The following SEM1 variants were observed in gnomAD, a reference collection of about 807,000 sequenced individuals.
SEM1 encodes SEM1 26S proteasome subunit.
A neutral mutation model predicts 12.7 loss-of-function variants in SEM1; 3 were observed. The ratio of observed to expected loss-of-function variants is 0.24; its 90% CI spans 0.11 to 0.61. The LOEUF is 0.61. Ranked by LOEUF, SEM1 falls within the 20% of genes least tolerant of loss-of-function variation. The pLI is 0.88. For synonymous variants in SEM1, 30 were observed against 27.8 expected (o/e 1.08, Z -0.25); for missense variants, 59 against 81.3 (o/e 0.73, Z 1.06).
chr7:96,631,173 C>G (rs1446893672), intron 2 of SEM1, among the ~76,000 whole-genome samples: 1 of 152,158 alleles, frequency 6.6e-6, no homozygotes, highest in East Asian at 1.9e-4. Flanking sequence ...CCCCGCTTAG[C>G]CCACTATCAC....
At chr7:96,695,954 A>G (rs1790081074) in intron 1 of SEM1, 2 of 152,010 alleles carry the variant, frequency 1.3e-5, no homozygotes, top group South Asian at 4.1e-4. Context: ...TTATCTTTTA[A>G]AGCAACTATC....
chr7:96,702,769 A>G (rs1259556504), intron 1 of SEM1, among the ~76,000 whole-genome samples: 3 of 152,246 alleles, frequency 2.0e-5, no homozygotes, highest in Non-Finnish European at 4.4e-5. Context: ...TAGTGATTGA[A>G]GTGAACATCC....
intron 2 of SEM1, among the ~76,000 whole-genome samples, chr7:96,626,279 GT>G (rs894950516): frequency 1.3e-5 from 2 of 152,084 alleles, no homozygotes; most frequent in Admixed American, 6.5e-5. Context: ...TGAAAAGTTT[GT>G]TTTTTTGTGC....
At chr7:96,555,047 C>T (rs1247570211) in intron 2 of SEM1, among the ~76,000 whole-genome samples, 21 of 148,972 alleles carry the variant, frequency 1.4e-4, no homozygotes, top group African/African-American at 4.0e-4. Flanking sequence ...GGTGATATCC[C>T]CTTTATCATT....
rs189370205 is a variant in SEM1 at position 96,632,562 on chromosome 7, G to A, written c.171-9919C>T. 9.7e-4 allele frequency among the ~76,000 whole-genome samples: 148 copies of A among 152,104 alleles called. No individual in the cohort carries two copies. In the Middle Eastern group the frequency reaches 0.02, roughly 21 times the overall value. On this transcript the variant is annotated intron_variant, in intron 2 of 2. Coordinates refer to the SEM1 transcript ENST00000417009. ...ACACTGGGGCCTGTCAGGGGGTGGCGGACTAGGGGAGGGATAGCATTAGGA... is the reference window on the plus strand; with the variant it reads ...ACACTGGGGCCTGTCAGGGGGTGGCAGACTAGGGGAGGGATAGCATTAGGA...
chr7:96,694,754 ATAAT>A (rs1187843675), intron 2 of SEM1, 40 bp downstream of exon 2: 4 of 1,222,908 alleles, frequency 3.3e-6, no homozygotes, highest in Admixed American at 1.7e-5. Flanking sequence ...TTCCATGCTT[ATAAT>A]TAATACTGAA....
chr7:96,540,728 A>T (rs6943323), intron 2 of SEM1, among the ~76,000 whole-genome samples: 34,268 of 151,526 alleles, frequency 0.23, 4,325 homozygotes, highest in African/African-American at 0.35. Flanking sequence ...ACAGGTAGTG[A>T]ACATAGTAGG....
intron 2 of SEM1, among the ~76,000 whole-genome samples, chr7:96,596,559 C>T (rs1389331004): frequency 2.6e-5 from 4 of 152,074 alleles, no homozygotes; most frequent in East Asian, 1.9e-4. Context: ...ATTTTCTCCC[C>T]GGGTAATAAT....
At chr7:96,620,770 A>T (rs1194311617), downstream of SEM1, among the ~76,000 whole-genome samples, 1 of 152,064 alleles carries the variant, frequency 6.6e-6, no homozygotes, top group Non-Finnish European at 1.5e-5. Flanking sequence ...CCTTGCCTCT[A>T]ATCAGCCTCT....
upstream of SEM1, among the ~76,000 whole-genome samples, chr7:96,499,758 G>A (rs1283941004): frequency 3.3e-5 from 5 of 152,142 alleles, no homozygotes; most frequent in Non-Finnish European, 7.4e-5. Flanking sequence ...TCGGATTGTG[G>A]CAGTCACTTG....
At chr7:96,657,845 C>G (rs1391418139) in intron 2 of SEM1, among the ~76,000 whole-genome samples, 3 of 152,078 alleles carry the variant, frequency 2.0e-5, no homozygotes, top group African/African-American at 7.2e-5. Flanking sequence ...TTAGGAATGG[C>G]AGTATGCCCT....
At chr7:96,541,944 CTTTTTTTTTT>C (rs34050482) in intron 2 of SEM1, among the ~76,000 whole-genome samples, 1 of 92,436 alleles carries the variant, frequency 1.1e-5, no homozygotes, top group Non-Finnish European at 2.1e-5. Context: ...GCCTATGTGT[CTTTTTTTTTT>C]TTTTTTTTTT....
rs905150572 is a variant in SEM1 at position 96,554,398 on chromosome 7, A to T, written c.171-47700T>A. On this transcript the variant is annotated intron_variant and NMD_transcript_variant, in intron 2 of 3. Transcript: ENST00000466986. ...AATACCTAATTTATTGAGAGTTTTT[A>T]GCATGAAGGGTTGTTGTATTTTGTC... 2.3e-4 allele frequency among the ~76,000 whole-genome samples: 31 copies of T among 136,420 alleles called. No homozygotes were observed. In the Middle Eastern group the frequency reaches 0.01, roughly 46 times the overall value. The allele number at this position is 136,420 out of a possible 152,430, so 89.5% of individuals were successfully genotyped here.
exon 4 of SEM1, chr7:96,483,873 C>T: frequency 6.5e-7 from 1 of 1,536,758 alleles, no homozygotes; most frequent in Non-Finnish European, 8.7e-7. Flanking sequence ...CAAGTTCTTT[C>T]TGCTGGGGCC....
At chr7:96,650,407 C>A in intron 2 of SEM1, 1 of 688,140 alleles carries the variant, frequency 1.5e-6, no homozygotes, top group Non-Finnish European at 2.6e-6. Flanking sequence ...GGCATGTTCT[C>A]CAGGCAGTAG....
chr7:96,486,814 TAAAC>T (rs945019203), intron 1 of SEM1, among the ~76,000 whole-genome samples: 1 of 152,198 alleles, frequency 6.6e-6, no homozygotes, highest in Non-Finnish European at 1.5e-5. Flanking sequence ...AGTTCTTCCT[TAAAC>T]AAAGGCAAAT....
chr7:96,666,309 G>A (rs1789171342), intron 2 of SEM1, among the ~76,000 whole-genome samples: 1 of 152,128 alleles, frequency 6.6e-6, no homozygotes, highest in South Asian at 2.1e-4. Context: ...ATAAACCATG[G>A]ACAACAGAAC....
intron 2 of SEM1, among the ~76,000 whole-genome samples, chr7:96,667,697 A>T (rs1443988687): frequency 2.0e-5 from 3 of 152,232 alleles, no homozygotes; most frequent in African/African-American, 7.2e-5. Flanking sequence ...CATTAAACCA[A>T]AAAGCCTGGA....
At chr7:96,596,109 G>T (rs1440731856) in intron 2 of SEM1, among the ~76,000 whole-genome samples, 1 of 152,170 alleles carries the variant, frequency 6.6e-6, no homozygotes, top group Non-Finnish European at 1.5e-5. Context: ...GTCTCTAAGT[G>T]GTGCTTAAAC....
Sources: gnomAD v4.1 joint callset for allele counts (sites outside exome capture counted in the v4.1 genomes callset) on GRCh38, gnomAD v4.1.1 for gene constraint, MANE v1.5 for transcripts, NCBI Gene and HGNC (gene_info 2026-07-23, HGNC 2026-07-21) for gene names.